PSMG4: variants seen among roughly 807,000 people sequenced by gnomAD.
The protein encoded by PSMG4 is proteasome assembly chaperone 4.
In PSMG4, 10 loss-of-function variants were observed where a neutral mutation model predicts 11.0. That is an observed-to-expected ratio of 0.91 (90% CI 0.56 to 1.54). The LOEUF (loss-of-function observed/expected upper bound fraction) is 1.54. Among genes scored for constraint, PSMG4 ranks in the 40% most tolerant of loss-of-function variants. The probability of loss-of-function intolerance (pLI) is 0.00; values close to 1 mark genes in which losing one functional copy is unlikely to be tolerated. For missense variants in PSMG4, 198 were observed against 160.9 expected, an observed-to-expected ratio of 1.23 and a Z score of -1.25; for synonymous variants, 95 against 71.3, an observed-to-expected ratio of 1.33 and a Z score of -1.68.
upstream of PSMG4, chr6:3,258,748 C>G (rs182455455): frequency 2.6e-5 from 8 of 311,258 alleles, no homozygotes; most frequent in East Asian, 4.0e-4. Context: ...AGTGGGTTTC[C>G]CCAGCCCGTC....
At chr6:3,255,289 G>T (rs148461888), upstream of PSMG4, 13 of 1,532,488 alleles carry the variant, frequency 8.5e-6, no homozygotes, top group South Asian at 1.2e-5. Flanking sequence ...GTCTATCGGT[G>T]CCCATCCTGG....
chr6:3,265,804 G>A (rs4959792), intron 2 of PSMG4: 126,420 of 152,180 alleles, frequency 0.83, 52,776 homozygotes, highest in Non-Finnish European at 0.87. Context: ...TCTCCGCCTC[G>A]GGGGCACACT....
chr6:3,258,994 G>A lies in PSMG4; in HGVS notation c.-29G>A. The A allele has an allele frequency of 8.1e-7, 1 of 1,240,172 alleles. No homozygotes were observed. 76.8% of individuals were successfully genotyped at this position (1,240,172 alleles called of 1,614,324 possible). ...TGGCAGCGGCGAGGACCCGGGTCTGGCGCTGTGGGCCGGGAGCCGTGGGGC... is the reference window on the plus strand; with the variant it reads ...TGGCAGCGGCGAGGACCCGGGTCTGACGCTGTGGGCCGGGAGCCGTGGGGC... On this transcript the variant is annotated 5_prime_UTR_variant, in exon 1 of 3. Transcript: ENST00000438998.
intron 1 of PSMG4, among the ~76,000 whole-genome samples, chr6:3,260,608 C>CGGGATTATA (rs1323857144): frequency 6.6e-6 from 1 of 152,042 alleles, no homozygotes; most frequent in Non-Finnish European, 1.5e-5. Context: ...CCTAAAGTGC[C>CGGGATTATA]GGGATTATAG....
chr6:3,259,737 C>A (rs188585178), intron 1 of PSMG4, among the ~76,000 whole-genome samples: 1 of 152,182 alleles, frequency 6.6e-6, no homozygotes, highest in Non-Finnish European at 1.5e-5. Flanking sequence ...CGTGCTGAGT[C>A]CCTAGGCACT....
At chr6:3,264,280 G>A in intron 2 of PSMG4, 1 of 1,551,452 alleles carries the variant, frequency 6.4e-7, no homozygotes. Flanking sequence ...TCATGAGGCT[G>A]AATGCTCCAC....
chr6:3,256,983 G>T (rs551718811), upstream of PSMG4, among the ~76,000 whole-genome samples: 2 of 152,264 alleles, frequency 1.3e-5, no homozygotes, highest in African/African-American at 4.8e-5. Flanking sequence ...GAAAGGACAG[G>T]GTCAGAGCAC....
In PSMG4 at chr6:3,259,129, C is replaced by T; in HGVS notation, c.107C>T (p.Ser36Leu). The T allele has an allele frequency of 7.7e-7, 1 of 1,291,736 alleles. No homozygotes were observed. Among genetic ancestry groups the T allele is most frequent in the Non-Finnish European group, 9.8e-7 (1 of 1,018,746 alleles). 80.0% of individuals were successfully genotyped at this position (1,291,736 alleles called of 1,614,324 possible). A position where few individuals can be genotyped will look rare whatever the true frequency, so the allele number is the denominator to read the frequency against. The change falls in exon 1 of 3, where the codon TCG (serine) becomes TTG (leucine). Residue 36 changes from serine to leucine, a missense_variant. Ser to Leu is a moderately radical substitution (Grantham distance 145). Coordinates refer to ENST00000438998, the MANE Select transcript of PSMG4 (RefSeq NM_001128591.2). ...VHFHVMRLTD[S>L]LFLWVGATPH... ...TTCCACGTCATGCGGCTGACGGACTCGCTGTTCCTGTGGGTGGGGGCCACG... is the reference window on the plus strand; with the variant it reads ...TTCCACGTCATGCGGCTGACGGACTTGCTGTTCCTGTGGGTGGGGGCCACG...
At chr6:3,260,294 T>G (rs868439437) in intron 1 of PSMG4, among the ~76,000 whole-genome samples, 1 of 131,970 alleles carries the variant, frequency 7.6e-6, no homozygotes, top group African/African-American at 2.7e-5. Context: ...TATATATATT[T>G]TTTTTTTTTT....
At chr6:3,255,972 C>T (rs1402695242), upstream of PSMG4, among the ~76,000 whole-genome samples, 9 of 152,350 alleles carry the variant, frequency 5.9e-5, no homozygotes, top group South Asian at 4.1e-4. Flanking sequence ...AGCAAAGATT[C>T]CACATCTGCT....
intron 2 of PSMG4, 152 bp from the exon 3 acceptor site, chr6:3,267,439 C>T: frequency 2.5e-6 from 2 of 790,186 alleles, no homozygotes; most frequent in South Asian, 1.9e-5. Context: ...ATTTGCAGCA[C>T]CTGTCTGAAG....
upstream of PSMG4, among the ~76,000 whole-genome samples, chr6:3,254,527 C>A (rs555620740): frequency 6.6e-6 from 1 of 150,914 alleles, no homozygotes; most frequent in Admixed American, 6.6e-5. Context: ...TGAGCTGTAA[C>A]AATTATCTGG....
chr6:3,255,126 C>T (rs1052535332), upstream of PSMG4: 250 of 1,551,086 alleles, frequency 1.6e-4, 1 homozygote, highest in East Asian at 3.5e-3. Flanking sequence ...CAGCTTACCA[C>T]GTATTGGTCA....
rs1038581185 is a variant in PSMG4 at position 3,263,710 on chromosome 6, CCTT to C, written c.202_204del (p.Leu68del). On this transcript the variant is annotated inframe_deletion, in exon 2 of 3. Coordinates refer to ENST00000438998, the MANE Select transcript of PSMG4 (RefSeq NM_001128591.2). ...ACTCCATCCCCGTGTCTACCTCCCT[CCTT>C]GGAGACACTTCCGACACGACCTCTA... is the stretch of plus-strand genomic sequence containing the variant. The C allele has an allele frequency of 1.5e-5, 23 of 1,550,940 alleles. No homozygotes were observed. Among genetic ancestry groups the C allele is most frequent in the Middle Eastern group, 1.7e-4 (1 of 6,014 alleles).
At chr6:3,254,743 C>G (rs544013913), upstream of PSMG4, among the ~76,000 whole-genome samples, 1 of 152,002 alleles carries the variant, frequency 6.6e-6, no homozygotes, top group Non-Finnish European at 1.5e-5. Context: ...TCCCCCTGTG[C>G]CTCTTTTAAA....
In PSMG4 at chr6:3,261,473, C is replaced by T. The variant is rs561307689; in HGVS notation, c.175-2211C>T. On this transcript the variant is annotated intron_variant, in intron 1 of 2. Coordinates refer to ENST00000438998, the MANE Select transcript of PSMG4 (RefSeq NM_001128591.2). Reference sequence around the variant, plus strand: ...GGCTGGTAAGTTTGGAAGAAGTAGGCTCCTCCTGTGGGTGGTTTTGGTCAC... The same window carrying T: ...GGCTGGTAAGTTTGGAAGAAGTAGGTTCCTCCTGTGGGTGGTTTTGGTCAC... Among the ~76,000 whole-genome samples the T allele has an allele frequency of 9.8e-5, 15 of 152,300 alleles. 1 individual carries two copies. In the South Asian group the frequency reaches 2.3e-3, roughly 23 times the overall value.
upstream of PSMG4, among the ~76,000 whole-genome samples, chr6:3,254,837 A>G (rs559798721): frequency 6.6e-6 from 1 of 152,134 alleles, no homozygotes; most frequent in Non-Finnish European, 1.5e-5. Context: ...GTGGGACCTT[A>G]GAAAACACTT....
chr6:3,264,320 G>T, intron 2 of PSMG4: 1 of 1,549,924 alleles, frequency 6.5e-7, no homozygotes, highest in Non-Finnish European at 8.7e-7. Flanking sequence ...ACTTCCTGTG[G>T]GCCAGGTAAG....
intron 2 of PSMG4, 185 bp from the exon 3 acceptor site, chr6:3,267,406 A>C (rs1356660000): frequency 5.9e-6 from 3 of 508,798 alleles, no homozygotes; most frequent in African/African-American, 5.8e-5. Flanking sequence ...AGAGACTGGG[A>C]GAGGCCTGAG....
Sources: allele counts gnomAD v4.1 joint callset (sites outside exome capture counted in the v4.1 genomes callset), GRCh38; gene constraint gnomAD v4.1.1; transcripts MANE v1.5; gene names NCBI Gene and HGNC (gene_info 2026-07-23, HGNC 2026-07-21).